The following ANXA7 variants were observed in gnomAD, a reference collection of about 807,000 sequenced individuals.
The protein encoded by ANXA7 is annexin A7, also known as annexin VII.
In ANXA7, 55 loss-of-function variants were observed where a neutral mutation model predicts 64.9. The observed-to-expected ratio is 0.85, with a 90% confidence interval of 0.68 to 1.06. The LOEUF is 1.06. Ranked by LOEUF, ANXA7 falls within the 50% of genes least tolerant of loss-of-function variation. ANXA7 has a pLI of 0.00. For missense variants in ANXA7, 548 were observed against 582.1 expected, an observed-to-expected ratio of 0.94 and a Z score of 0.60; for synonymous variants, 200 against 192.4, an observed-to-expected ratio of 1.04 and a Z score of -0.33.
chr10:73,387,579 T>C, intron 7 of ANXA7, 110 bp downstream of exon 7: 1 of 840,624 alleles, frequency 1.2e-6, no homozygotes, highest in South Asian at 1.4e-5. Context: ...TAAAGTCTAG[T>C]TGTCCCTCTT....
chr10:73,384,752 G>A (rs1319502273), intron 7 of ANXA7, among the ~76,000 whole-genome samples: 3 of 152,066 alleles, frequency 2.0e-5, no homozygotes. Context: ...ATAATGTAAG[G>A]TAACCTGTAC....
intron 9 of ANXA7, among the ~76,000 whole-genome samples, chr10:73,380,427 G>A (rs920560522): frequency 1.3e-5 from 2 of 151,852 alleles, no homozygotes; most frequent in Non-Finnish European, 2.9e-5. Flanking sequence ...AAACGACCAT[G>A]CCTGGTTAAT....
At chr10:73,406,868 C>G (rs112093254) in intron 1 of ANXA7, among the ~76,000 whole-genome samples, 7,081 of 151,648 alleles carry the variant, frequency 0.047, 505 homozygotes, top group African/African-American at 0.15. Context: ...ACCACACCCA[C>G]CCTCTATTTA....
intron 2 of ANXA7, among the ~76,000 whole-genome samples, chr10:73,399,545 G>A (rs1392592413): frequency 2.0e-5 from 3 of 152,224 alleles, no homozygotes; most frequent in Admixed American, 2.0e-4. Context: ...AATGTGGGCT[G>A]GGCTAAGTGG....
chr10:73,412,933 G>A (rs1202696240), intron 1 of ANXA7, among the ~76,000 whole-genome samples: 3 of 151,862 alleles, frequency 2.0e-5, no homozygotes, highest in Non-Finnish European at 4.4e-5. Flanking sequence ...TCTCATTGAT[G>A]GCATGAAGCC....
chr10:73,391,788 G>T (rs1421126630), intron 5 of ANXA7, among the ~76,000 whole-genome samples: 1 of 152,084 alleles, frequency 6.6e-6, no homozygotes, highest in Non-Finnish European at 1.5e-5. Context: ...ACCAAAATCT[G>T]CCTGTGGACT....
rs776925303 is a variant in ANXA7 at position 73,378,903 on chromosome 10, TG to T, written c.1278+7del. 1 of 1,602,816 alleles carries T rather than the reference TG, an allele frequency of 6.2e-7. No homozygotes were observed. The highest frequency in any genetic ancestry group is 8.5e-7 in the Non-Finnish European group (1 of 1,170,406). ...AAGACCCGACAAAAAGAGAGAGGCCTGCCTCACCTCACTTCGAGTGACCACA... is the reference window on the plus strand; with the variant it reads ...AAGACCCGACAAAAAGAGAGAGGCCTCCTCACCTCACTTCGAGTGACCACA... On this transcript the variant is annotated splice_region_variant and intron_variant, in intron 12 of 12. Coordinates refer to ENST00000372921, the MANE Select transcript of ANXA7 (RefSeq NM_001156.5).
intron 7 of ANXA7, among the ~76,000 whole-genome samples, chr10:73,385,575 CAG>C (rs953027300): frequency 3.3e-5 from 5 of 152,030 alleles, no homozygotes; most frequent in Non-Finnish European, 7.4e-5. Flanking sequence ...GCTAGAAAAA[CAG>C]TGTTTTACTA....
chr10:73,390,181 T>G (rs969914524), intron 5 of ANXA7, among the ~76,000 whole-genome samples: 2 of 152,096 alleles, frequency 1.3e-5, no homozygotes, highest in African/African-American at 4.8e-5. Flanking sequence ...CATTTCAAAA[T>G]AAAAGATGAT....
At chr10:73,396,220 T>C (rs2055573096) in intron 5 of ANXA7, 4 of 723,222 alleles carry the variant, frequency 5.5e-6, no homozygotes, top group South Asian at 3.4e-5. Flanking sequence ...TAGGTGTAAC[T>C]GCTGGTAAGG....
At chr10:73,404,553 T>C (rs1468726856) in intron 1 of ANXA7, among the ~76,000 whole-genome samples, 1 of 152,076 alleles carries the variant, frequency 6.6e-6, no homozygotes, top group Non-Finnish European at 1.5e-5. Context: ...CTATATAATA[T>C]AGTGCAGGAA....
At chr10:73,382,569 C>A (rs111901372) in intron 9 of ANXA7, among the ~76,000 whole-genome samples, 4 of 152,122 alleles carry the variant, frequency 2.6e-5, no homozygotes, top group African/African-American at 9.7e-5. Flanking sequence ...TGGCTTCAAA[C>A]TCCTGGCCTC....
intron 3 of ANXA7, among the ~76,000 whole-genome samples, chr10:73,397,678 G>A (rs144007407): frequency 4.5e-4 from 69 of 152,140 alleles, no homozygotes; most frequent in Non-Finnish European, 7.5e-4. Context: ...AGCTGGTCTC[G>A]AACTCCTTGC....
At chr10:73,392,186 T>G (rs998268025) in intron 5 of ANXA7, among the ~76,000 whole-genome samples, 4 of 151,990 alleles carry the variant, frequency 2.6e-5, no homozygotes, top group African/African-American at 9.7e-5. Flanking sequence ...AATAACAGGC[T>G]CTGAAATTGA....
intron 1 of ANXA7, among the ~76,000 whole-genome samples, chr10:73,402,523 T>A (rs569067347): frequency 3.9e-4 from 59 of 152,276 alleles, no homozygotes; most frequent in Non-Finnish European, 7.1e-4. Flanking sequence ...TGAAAATAAT[T>A]CCTGTGTAGT....
In ANXA7 at chr10:73,376,063, A is replaced by T; in HGVS notation, c.*32T>A. On this transcript the variant is annotated 3_prime_UTR_variant, in exon 13 of 13. Coordinates refer to ENST00000372921, the MANE Select transcript of ANXA7 (RefSeq NM_001156.5). The stretch of plus-strand genomic sequence containing the variant: ...TCTGAAGGATAAGCTATGAATAGAA[A>T]TTTTTTTTCATTAAAAAAAAAAAAA... The T allele has an allele frequency of 2.0e-6, 3 of 1,498,260 alleles. No individual in the cohort carries two copies. Among genetic ancestry groups the T allele is most frequent in the Admixed American group, 5.2e-5 (2 of 38,380 alleles). 92.8% of individuals were successfully genotyped at this position (1,498,260 alleles called of 1,614,324 possible).
intron 1 of ANXA7, among the ~76,000 whole-genome samples, chr10:73,409,178 G>C (rs900918700): frequency 1.5e-4 from 23 of 152,240 alleles, no homozygotes; most frequent in African/African-American, 5.5e-4. Flanking sequence ...AGGGAAAGTA[G>C]GGGAAAGCAA....
At chr10:73,386,899 T>C (rs1033105581) in intron 7 of ANXA7, among the ~76,000 whole-genome samples, 3 of 152,146 alleles carry the variant, frequency 2.0e-5, no homozygotes, top group Admixed American at 2.0e-4. Flanking sequence ...GGTCCTGAAC[T>C]CCTGGCCTCA....
chr10:73,385,839 C>A (rs1430799674), intron 7 of ANXA7, among the ~76,000 whole-genome samples: 1 of 152,026 alleles, frequency 6.6e-6, no homozygotes, highest in Non-Finnish European at 1.5e-5. Flanking sequence ...AAGGTGGGAC[C>A]AATCAATGGA....
Sources: allele counts gnomAD v4.1 joint callset (sites outside exome capture counted in the v4.1 genomes callset), GRCh38; gene constraint gnomAD v4.1.1; transcripts MANE v1.5; gene names NCBI Gene and HGNC (gene_info 2026-07-23, HGNC 2026-07-21).